The following RABGAP1L variants were observed in gnomAD, a reference collection of about 807,000 sequenced individuals.
RABGAP1L encodes rab GTPase-activating protein 1-like.
A neutral mutation model predicts 137.7 loss-of-function variants in RABGAP1L; 63 were observed. That is an observed-to-expected ratio of 0.46 (90% CI 0.37 to 0.56). The LOEUF (loss-of-function observed/expected upper bound fraction) is 0.56. Ranked by LOEUF, RABGAP1L falls within the 20% of genes least tolerant of loss-of-function variation. The pLI is 0.00. For missense variants in RABGAP1L, 1,095 were observed against 1,244.0 expected, an observed-to-expected ratio of 0.88 and a Z score of 1.80; for synonymous variants, 431 against 433.7, an observed-to-expected ratio of 0.99 and a Z score of 0.08.
intron 1 of RABGAP1L, among the ~76,000 whole-genome samples, chr1:174,176,110 G>A (rs1665827424): frequency 1.3e-5 from 2 of 151,978 alleles, no homozygotes; most frequent in African/African-American, 4.8e-5. Context: ...AGAAAAGCTG[G>A]CCTCATATGT....
intron 18 of RABGAP1L, among the ~76,000 whole-genome samples, chr1:174,804,244 G>GTT (rs775066563): frequency 4.0e-5 from 4 of 100,220 alleles, no homozygotes; most frequent in Non-Finnish European, 7.2e-5. Context: ...CCCTGCGGAT[G>GTT]TTTTTTTTTT....
intron 11 of RABGAP1L, among the ~76,000 whole-genome samples, chr1:174,351,363 T>C (rs1240341072): frequency 2.0e-5 from 3 of 152,216 alleles, no homozygotes; most frequent in Admixed American, 6.5e-5. Flanking sequence ...AGGTCTGGTG[T>C]TGATAAAATC....
chr1:174,702,279 C>T (rs370763237), intron 17 of RABGAP1L, 23 bp downstream of exon 17: 38 of 1,556,322 alleles, frequency 2.4e-5, no homozygotes, highest in Non-Finnish European at 3.3e-5. Flanking sequence ...CCATCTTTCA[C>T]TAAGCCAAAA....
At chr1:174,435,816 C>T (rs1390486255) in intron 13 of RABGAP1L, among the ~76,000 whole-genome samples, 1 of 141,596 alleles carries the variant, frequency 7.1e-6, no homozygotes, top group Admixed American at 6.9e-5. Context: ...TCCCCCGACA[C>T]CACAACCGTC....
intron 7 of RABGAP1L, among the ~76,000 whole-genome samples, chr1:174,261,070 G>A (rs941605211): frequency 5.3e-5 from 8 of 151,804 alleles, no homozygotes; most frequent in African/African-American, 1.7e-4. Context: ...GCGATTTTTG[G>A]CACCAGGTTT....
At chr1:174,252,750 T>C (rs112711806) in intron 7 of RABGAP1L, among the ~76,000 whole-genome samples, 160 bp downstream of exon 7, 46 of 32,606 alleles carry the variant, frequency 1.4e-3, no homozygotes, top group African/African-American at 2.0e-3. Context: ...ATGTAACTGG[T>C]TTCATTGAAA....
chr1:174,449,177 G>T, intron 13 of RABGAP1L: 1 of 1,600,510 alleles, frequency 6.2e-7, no homozygotes. Flanking sequence ...TAGGAAACGG[G>T]CTAATTCTTG....
At chr1:174,200,851 G>A (rs1668045024) in intron 1 of RABGAP1L, among the ~76,000 whole-genome samples, 1 of 152,138 alleles carries the variant, frequency 6.6e-6, no homozygotes, top group South Asian at 2.1e-4. Context: ...ATAGGATAAA[G>A]TACAGTGTCT....
intron 1 of RABGAP1L, among the ~76,000 whole-genome samples, chr1:174,183,083 C>G (rs1488619565): frequency 2.0e-5 from 3 of 152,150 alleles, no homozygotes; most frequent in Non-Finnish European, 2.9e-5. Flanking sequence ...TCCTATTAGA[C>G]TGTGAGCCCC....
chr1:174,775,419 T>G (rs1159314272), intron 18 of RABGAP1L, among the ~76,000 whole-genome samples: 1 of 151,838 alleles, frequency 6.6e-6, no homozygotes, highest in Non-Finnish European at 1.5e-5. Flanking sequence ...GTTCAAGAGA[T>G]TCTCCTGCCT....
chr1:174,298,861 G>A (rs1216672212), intron 10 of RABGAP1L, among the ~76,000 whole-genome samples: 1 of 152,162 alleles, frequency 6.6e-6, no homozygotes, highest in Non-Finnish European at 1.5e-5. Context: ...CTAGAATATT[G>A]ATCCAGACTT....
chr1:174,991,951 G>A lies in RABGAP1L; in HGVS notation c.*1950G>A, dbSNP rs537792212. 3 of 152,220 alleles carry A rather than the reference G, an allele frequency of 2.0e-5. No homozygotes were observed. In the East Asian group the frequency reaches 5.8e-4, roughly 29 times the overall value. 9.4% of individuals were successfully genotyped at this position (152,220 alleles called of 1,614,324 possible). A position where few individuals can be genotyped will look rare whatever the true frequency, so the allele number is the denominator to read the frequency against. On this transcript the variant is annotated 3_prime_UTR_variant, in exon 26 of 26. Transcript: ENST00000681986. ...AGCTAAATTAAAGATGCTCTTTTGTGTTGTGAATTTCATAGTTCTGTACAG... is the reference window on the plus strand; with the variant it reads ...AGCTAAATTAAAGATGCTCTTTTGTATTGTGAATTTCATAGTTCTGTACAG...
chr1:174,868,117 G>A (rs892889439), intron 19 of RABGAP1L, among the ~76,000 whole-genome samples: 4 of 151,648 alleles, frequency 2.6e-5, no homozygotes, highest in African/African-American at 9.7e-5. Flanking sequence ...ACCATGACCA[G>A]CTAATTTTTT....
intron 11 of RABGAP1L, among the ~76,000 whole-genome samples, chr1:174,312,181 T>C (rs1325816684): frequency 6.6e-6 from 1 of 152,214 alleles, no homozygotes; most frequent in African/African-American, 2.4e-5. Context: ...CTGTTCTATA[T>C]AGTGGTTGTA....
At chr1:174,824,410 A>G (rs1227988026) in intron 19 of RABGAP1L, among the ~76,000 whole-genome samples, 1 of 152,010 alleles carries the variant, frequency 6.6e-6, no homozygotes, top group Non-Finnish European at 1.5e-5. Flanking sequence ...CAGGAGAGTC[A>G]CTTGAACCCA....
At chr1:174,822,031 G>A (rs1417700028) in intron 19 of RABGAP1L, among the ~76,000 whole-genome samples, 4 of 152,256 alleles carry the variant, frequency 2.6e-5, no homozygotes, top group African/African-American at 9.6e-5. Context: ...GGGAGGCCGA[G>A]GCGGGTGGAT....
chr1:174,959,650 C>T (rs552932040), intron 20 of RABGAP1L, among the ~76,000 whole-genome samples: 3 of 152,062 alleles, frequency 2.0e-5, no homozygotes, highest in South Asian at 4.2e-4. Flanking sequence ...TATCGGATAC[C>T]CTCTATTGCT....
chr1:174,765,204 T>G (rs958670129), intron 18 of RABGAP1L, among the ~76,000 whole-genome samples: 18 of 152,332 alleles, frequency 1.2e-4, no homozygotes, highest in African/African-American at 4.3e-4. Context: ...TTTTTTATTA[T>G]AGCCACCTTA....
At chr1:174,837,915 T>G (rs547540288) in intron 19 of RABGAP1L, among the ~76,000 whole-genome samples, 1 of 152,354 alleles carries the variant, frequency 6.6e-6, no homozygotes, top group African/African-American at 2.4e-5. Context: ...GGCAGAAATG[T>G]AATTATAAGT....
Sources: gnomAD v4.1 joint callset for allele counts (sites outside exome capture counted in the v4.1 genomes callset) on GRCh38, gnomAD v4.1.1 for gene constraint, MANE v1.5 for transcripts, NCBI Gene and HGNC (gene_info 2026-07-23, HGNC 2026-07-21) for gene names.